The following CNR2 variants were observed in gnomAD, a reference collection of about 807,000 sequenced individuals.
The protein encoded by CNR2 is cannabinoid receptor 2.
For missense variants in CNR2, 379 were observed against 439.9 expected, an observed-to-expected ratio of 0.86 and a Z score of 1.24; for synonymous variants, 172 against 182.2, an observed-to-expected ratio of 0.94 and a Z score of 0.45.
At position 23,872,909 on chromosome 1, in the gene CNR2, T is replaced by C. The variant is rs529341418; in HGVS notation, c.*1626A>G. 1 of 152,196 alleles carries C rather than the reference T, an allele frequency of 6.6e-6. No homozygotes were observed. Among genetic ancestry groups the C allele is most frequent in the East Asian group, 1.9e-4 (1 of 5,192 alleles). The allele number at this position is 152,196 out of a possible 1,614,324, so 9.4% of individuals were successfully genotyped here. A position where few individuals can be genotyped will look rare whatever the true frequency, so the allele number is the denominator to read the frequency against. On this transcript the variant is annotated 3_prime_UTR_variant, in exon 2 of 2. Coordinates refer to ENST00000374472, the MANE Select transcript of CNR2 (RefSeq NM_001841.3). ...ATCTTCTTTATTGACTTATTGGCTG[T>C]CTTGCAAGCAGGATATAGACTGTAA...
At chr1:23,886,503 TAACCAC>T (rs1640092410) in intron 1 of CNR2, among the ~76,000 whole-genome samples, 1 of 152,250 alleles carries the variant, frequency 6.6e-6, no homozygotes, top group African/African-American at 2.4e-5. Flanking sequence ...CTTTGGTTAA[TAACCAC>T]GCATGTTGGT....
intron 1 of CNR2, among the ~76,000 whole-genome samples, chr1:23,898,335 CTTTTTTTT>C (rs557452268): frequency 3.4e-4 from 37 of 108,172 alleles, no homozygotes; most frequent in South Asian, 2.1e-3. Context: ...CCGCGCCCGG[CTTTTTTTT>C]TTTTTTTTTT....
Position 23,875,226 on chromosome 1 carries a change from C to G in CNR2, c.392G>C (p.Arg131Pro). The G allele has an allele frequency of 6.2e-7, 1 of 1,614,114 alleles. No individual in the cohort carries two copies. The highest frequency in any genetic ancestry group is 8.5e-7 in the Non-Finnish European group (1 of 1,180,024). ...AGGTGGATAGCGCAGGCAGAGGTAT[C>G]GGTCAATGGCGGTCAGCAGGAGGCT... is the stretch of plus-strand genomic sequence containing the variant. ...VGSLLLTAIDRYLCLRYPPSY... is the reference protein window; with the variant it reads ...VGSLLLTAIDPYLCLRYPPSY... The change falls in exon 2 of 2, where the codon CGA (arginine) becomes CCA (proline). Residue 131 changes from arginine (R) to proline (P), a missense_variant. Coordinates refer to ENST00000374472, the MANE Select transcript of CNR2 (RefSeq NM_001841.3).
At position 23,874,603 on chromosome 1, in the gene CNR2, C is replaced by A. The variant is rs541088933; in HGVS notation, c.1015G>T (p.Glu339Ter). The A allele has an allele frequency of 6.2e-7, 1 of 1,614,112 alleles. No individual in the cohort carries two copies. Residue 339 changes from glutamate (E) to a stop codon, truncating the protein, a stop_gained, in exon 2 of 2, where the codon GAG (glutamate) becomes TAG (stop). Transcript: ENST00000374472. LOFTEE classifies it low-confidence loss of function (END_TRUNC). ...GTGATTTTCCCATCAGCCTCTGTCTCGGTGACTGAGGATCTCGGGGCTTCT... is the reference window on the plus strand; with the variant it reads ...GTGATTTTCCCATCAGCCTCTGTCTAGGTGACTGAGGATCTCGGGGCTTCT... ...KEEAPRSSVT[E>*]TEADGKITPW... is the part of the protein sequence containing the mutation.
intron 1 of CNR2, among the ~76,000 whole-genome samples, chr1:23,881,190 C>T (rs1295516659): frequency 6.6e-6 from 1 of 151,838 alleles, no homozygotes; most frequent in African/African-American, 2.4e-5. Context: ...GCAGGAGAAT[C>T]GCTTGAACCC....
intron 1 of CNR2, among the ~76,000 whole-genome samples, chr1:23,886,545 C>A (rs1366395589): frequency 6.6e-6 from 1 of 152,208 alleles, no homozygotes; most frequent in East Asian, 1.9e-4. Context: ...AGGTGAGGCC[C>A]AAAGCCAGCC....
At chr1:23,906,151 G>A (rs1210797011) in intron 1 of CNR2, among the ~76,000 whole-genome samples, 1 of 151,958 alleles carries the variant, frequency 6.6e-6, no homozygotes, top group Admixed American at 6.6e-5. Flanking sequence ...GATGTTTTTT[G>A]GAGAACTAGG....
intron 1 of CNR2, among the ~76,000 whole-genome samples, chr1:23,911,218 T>A (rs1436823590): frequency 6.6e-6 from 1 of 151,362 alleles, no homozygotes; most frequent in Admixed American, 6.6e-5. Flanking sequence ...AGAGGAGAGA[T>A]TGTCCTTGGC....
chr1:23,902,825 T>G, intron 1 of CNR2: 1 of 1,287,516 alleles, frequency 7.8e-7, no homozygotes, highest in South Asian at 2.5e-5. Context: ...CAGGCTGCGC[T>G]GCCCGGCCTT....
intron 1 of CNR2, among the ~76,000 whole-genome samples, chr1:23,911,159 TG>T (rs1447860393): frequency 3.4e-5 from 3 of 89,206 alleles, no homozygotes; most frequent in African/African-American, 9.1e-5. Context: ...GTCACGTGGG[TG>T]GGGGGTGGGG....
chr1:23,877,213 T>C (rs1001394425), intron 1 of CNR2, among the ~76,000 whole-genome samples: 5 of 152,204 alleles, frequency 3.3e-5, no homozygotes, highest in Admixed American at 6.5e-5. Context: ...TGAGAGATTG[T>C]TTCTGGGTAG....
At position 23,894,300 on chromosome 1, in the gene CNR2, A is replaced by C. The variant is rs200778102; in HGVS notation, c.-45-18638T>G. Among the ~76,000 whole-genome samples, 12 of 152,088 alleles carry C rather than the reference A, an allele frequency of 7.9e-5. No individual in the cohort carries two copies. In the East Asian group the frequency reaches 2.1e-3, roughly 27 times the overall value. ...TAACTGGGCGTTGTGGCTCGCCTGT[A>C]ATCCTAACTACTCGGGTGGCTGAGG... On this transcript the variant is annotated intron_variant, in intron 1 of 1. Transcript: ENST00000374472.
chr1:23,903,039 GA>G (rs1414332653), intron 1 of CNR2, among the ~76,000 whole-genome samples: 1 of 151,256 alleles, frequency 6.6e-6, no homozygotes, highest in Non-Finnish European at 1.5e-5. Context: ...GGCGCTGAGC[GA>G]CGCGGCGGTG....
At chr1:23,887,012 T>G (rs1640104356) in intron 1 of CNR2, among the ~76,000 whole-genome samples, 1 of 152,204 alleles carries the variant, frequency 6.6e-6, no homozygotes, top group Non-Finnish European at 1.5e-5. Context: ...TTCAAGTGAT[T>G]CTCCTGCCTC....
At chr1:23,904,024 T>A (rs1640445342) in intron 1 of CNR2, among the ~76,000 whole-genome samples, 1 of 152,152 alleles carries the variant, frequency 6.6e-6, no homozygotes, top group African/African-American at 2.4e-5. Flanking sequence ...TTTGAAATGT[T>A]AAAAAATTGC....
intron 1 of CNR2, among the ~76,000 whole-genome samples, chr1:23,908,892 C>T (rs1022374881): frequency 6.6e-6 from 1 of 152,122 alleles, no homozygotes; most frequent in African/African-American, 2.4e-5. Context: ...GTTGCCTCAA[C>T]CTCTAGGGAG....
intron 1 of CNR2, among the ~76,000 whole-genome samples, chr1:23,876,834 CAAAAAA>C (rs72220399): frequency 1.2e-3 from 148 of 120,224 alleles, no homozygotes; most frequent in Admixed American, 1.6e-3. Flanking sequence ...GACTCTGTCT[CAAAAAA>C]AAAAAAAAAA....
intron 1 of CNR2, among the ~76,000 whole-genome samples, chr1:23,893,572 C>T (rs950759384): frequency 5.9e-5 from 9 of 152,150 alleles, no homozygotes; most frequent in African/African-American, 2.2e-4. Context: ...GGAAAGAAAA[C>T]AGTCCTGAGT....
At chr1:23,894,466 A>T (rs138174389) in intron 1 of CNR2, among the ~76,000 whole-genome samples, 2 of 6,022 alleles carry the variant, frequency 3.3e-4, no homozygotes, top group African/African-American at 7.1e-4. Flanking sequence ...GGAAGGAAGG[A>T]AGCAAGGAAG....
Sources: gnomAD v4.1 joint callset for allele counts (sites outside exome capture counted in the v4.1 genomes callset) on GRCh38, gnomAD v4.1.1 for gene constraint, MANE v1.5 for transcripts, NCBI Gene and HGNC (gene_info 2026-07-23, HGNC 2026-07-21) for gene names.